ANKH: variants seen among roughly 807,000 people sequenced by gnomAD.
The protein encoded by ANKH is mineralization regulator ANKH.
A neutral mutation model predicts 49.0 loss-of-function variants in ANKH; 15 were observed. That is an observed-to-expected ratio of 0.31 (90% confidence interval 0.20 to 0.47). The LOEUF is 0.47. ANKH is among the 20% of genes least tolerant of loss of function. ANKH has a pLI of 1.00. For synonymous variants in ANKH, 273 were observed against 260.0 expected (o/e 1.05, Z -0.48); for missense variants, 429 against 652.0 (o/e 0.66, Z 3.72).
chr5:14,719,262 A>G (rs1737589040), intron 8 of ANKH, among the ~76,000 whole-genome samples: 1 of 152,248 alleles, frequency 6.6e-6, no homozygotes, highest in Admixed American at 6.5e-5. Context: ...AAACCAAACT[A>G]TCACTCAAGT....
chr5:14,751,504 G>A (rs1169145650), intron 4 of ANKH, among the ~76,000 whole-genome samples: 1 of 152,090 alleles, frequency 6.6e-6, no homozygotes, highest in Non-Finnish European at 1.5e-5. Context: ...ATCTTTCAAG[G>A]CATCTTTTTT....
At chr5:14,824,033 C>A (rs1272312630) in intron 1 of ANKH, among the ~76,000 whole-genome samples, 1 of 152,122 alleles carries the variant, frequency 6.6e-6, no homozygotes, top group African/African-American at 2.4e-5. Context: ...GAATACCTTA[C>A]CCCAACCAAG....
intron 8 of ANKH, among the ~76,000 whole-genome samples, chr5:14,728,497 CG>C (rs1168459299): frequency 1.3e-5 from 2 of 152,194 alleles, no homozygotes; most frequent in Admixed American, 1.3e-4. Flanking sequence ...CCAGTGGAGC[CG>C]GGAACAATGG....
chr5:14,807,239 C>T (rs750283080), intron 1 of ANKH, among the ~76,000 whole-genome samples: 4 of 151,884 alleles, frequency 2.6e-5, no homozygotes, highest in African/African-American at 4.8e-5. Context: ...CTCCGCCTCC[C>T]GAGTAGCTGG....
At chr5:14,715,107 C>T (rs548631438) in intron 9 of ANKH, among the ~76,000 whole-genome samples, 1 of 152,352 alleles carries the variant, frequency 6.6e-6, no homozygotes, top group South Asian at 2.1e-4. Flanking sequence ...CAGCCCTGGC[C>T]TACCTGGGGC....
intron 8 of ANKH, among the ~76,000 whole-genome samples, chr5:14,735,298 T>C (rs1457107100): frequency 6.6e-6 from 1 of 152,122 alleles, no homozygotes; most frequent in African/African-American, 2.4e-5. Flanking sequence ...CCACACTGCA[T>C]AAAGTACTAT....
intron 1 of ANKH, among the ~76,000 whole-genome samples, chr5:14,858,268 C>CCTT (rs1336925146): frequency 2.6e-5 from 4 of 152,150 alleles, no homozygotes; most frequent in African/African-American, 9.7e-5. Flanking sequence ...CGCCTCCCAC[C>CCTT]CTTCCCCCAG....
At chr5:14,716,555 T>TTTAACCTACTGGCTAATGTTTTTGCA in intron 9 of ANKH, 151 bp downstream of exon 9, 2 of 913,188 alleles carry the variant, frequency 2.2e-6, no homozygotes, top group Non-Finnish European at 3.4e-6. Context: ...TTCTTGAACT[T>TTTAACCTACTGGCTAATGTTTTTGCA]TTAACCTACT....
chr5:14,855,055 C>T (rs1742216972), intron 1 of ANKH, among the ~76,000 whole-genome samples: 1 of 152,188 alleles, frequency 6.6e-6, no homozygotes, highest in Admixed American at 6.5e-5. Context: ...ACCCAACTAT[C>T]CTCTCCTCCT....
intron 1 of ANKH, chr5:14,797,653 G>A (rs1740431291): frequency 2.5e-6 from 4 of 1,600,336 alleles, no homozygotes; most frequent in Non-Finnish European, 3.4e-6. Context: ...ATCAGTTTCT[G>A]ATCATCAGCA....
intron 1 of ANKH, among the ~76,000 whole-genome samples, chr5:14,777,057 G>A (rs1739649149): frequency 6.6e-6 from 1 of 152,174 alleles, no homozygotes; most frequent in South Asian, 2.1e-4. Flanking sequence ...CGAGGCAGGT[G>A]GATCACCTGA....
chr5:14,711,868 A>G (rs1737223746), intron 11 of ANKH, among the ~76,000 whole-genome samples: 1 of 151,688 alleles, frequency 6.6e-6, no homozygotes, highest in Admixed American at 6.6e-5. Flanking sequence ...GCCCCACCTC[A>G]GCCACTGCTG....
chr5:14,833,831 G>A (rs768618825), intron 1 of ANKH, among the ~76,000 whole-genome samples: 1 of 152,066 alleles, frequency 6.6e-6, no homozygotes, highest in Non-Finnish European at 1.5e-5. Context: ...ACCTACCTAC[G>A]TGCAAAGGAA....
At chr5:14,791,714 T>C (rs906526710) in intron 1 of ANKH, among the ~76,000 whole-genome samples, 1 of 152,150 alleles carries the variant, frequency 6.6e-6, no homozygotes, top group Non-Finnish European at 1.5e-5. Flanking sequence ...CAGTTTTGCA[T>C]TTTCAAAAGC....
intron 2 of ANKH, among the ~76,000 whole-genome samples, chr5:14,767,206 A>G (rs1203376212): frequency 6.6e-6 from 1 of 152,222 alleles, no homozygotes; most frequent in Non-Finnish European, 1.5e-5. Flanking sequence ...CAGGATTACT[A>G]AAAACAGAGG....
chr5:14,841,289 T>C (rs963289386), intron 1 of ANKH, among the ~76,000 whole-genome samples: 1 of 151,442 alleles, frequency 6.6e-6, no homozygotes, highest in Non-Finnish European at 1.5e-5. Context: ...TAACATAAAA[T>C]ATAACATTTA....
rs1737196262 is a variant in ANKH, at chr5:14,711,375, G to T, written c.1366-65C>A. The T allele has an allele frequency of 6.4e-6, 9 of 1,405,110 alleles. No individual in the cohort carries two copies. The Admixed American group carries it at 1.2e-4, about 18-fold the overall frequency. The allele number at this position is 1,405,110 out of a possible 1,614,324, so 87.0% of individuals were successfully genotyped here. A position where few individuals can be genotyped will look rare whatever the true frequency, so the allele number is the denominator to read the frequency against. ...GGGACACTGCACAGCAGAACCACGAGCAGGGAGACAACACCGGGGTCTTGG... is the reference window on the plus strand; with the variant it reads ...GGGACACTGCACAGCAGAACCACGATCAGGGAGACAACACCGGGGTCTTGG... On this transcript the variant is annotated intron_variant, in intron 11 of 11. Coordinates refer to ENST00000284268, the MANE Select transcript of ANKH (RefSeq NM_054027.6).
At chr5:14,712,257 CT>C (rs1737246244) in intron 11 of ANKH, among the ~76,000 whole-genome samples, 1 of 152,266 alleles carries the variant, frequency 6.6e-6, no homozygotes, top group Admixed American at 6.5e-5. Context: ...GGCCGTCACT[CT>C]GCTGCCCCGG....
chr5:14,812,246 T>A (rs1022715779), intron 1 of ANKH, among the ~76,000 whole-genome samples: 38 of 152,154 alleles, frequency 2.5e-4, no homozygotes, highest in Admixed American at 3.3e-4. Flanking sequence ...ACTTATTATT[T>A]TTTTTTTTAC....
Sources: gnomAD v4.1 joint callset for allele counts (sites outside exome capture counted in the v4.1 genomes callset) on GRCh38, gnomAD v4.1.1 for gene constraint, MANE v1.5 for transcripts, NCBI Gene and HGNC (gene_info 2026-07-23, HGNC 2026-07-21) for gene names.